The following FBXL14 variants were observed in gnomAD, a reference collection of about 807,000 sequenced individuals.
FBXL14 encodes F-box/LRR-repeat protein 14.
Under a neutral mutation model 24.5 loss-of-function variants are expected in FBXL14, and 11 were observed. The observed-to-expected ratio is 0.45, with a 90% CI of 0.28 to 0.74. The LOEUF (loss-of-function observed/expected upper bound fraction) is 0.74, where lower values mean the gene tolerates loss of function less well. Ranked by LOEUF, FBXL14 falls within the 30% of genes least tolerant of loss-of-function variation. The pLI, the probability that FBXL14 is intolerant of heterozygous loss-of-function variation, is 0.12. For synonymous variants in FBXL14, 294 were observed against 240.4 expected (o/e 1.22, Z -2.06); for missense variants, 384 against 545.6 (o/e 0.70, Z 2.95).
In FBXL14 at chr12:1,569,470, G is replaced by A. The variant is rs537193041; in HGVS notation, c.1195-2660C>T. On this transcript the variant is annotated intron_variant, in intron 1 of 1. Coordinates refer to ENST00000339235, the MANE Select transcript of FBXL14 (RefSeq NM_152441.3). The surrounding 1 kb of genome is among the most constrained non-coding windows in gnomAD (Gnocchi z 4.2). ...GGCTAGAGTGCAGTGCCGCAATCTC[G>A]GCTCACTGCAAGCTCCGCTTCCCGG... Among the ~76,000 whole-genome samples the A allele has an allele frequency of 7.3e-5, 11 of 150,250 alleles. No homozygotes were observed. In the South Asian group the frequency reaches 8.4e-4, roughly 11 times the overall value.
chr12:1,568,635 G>A (rs1462613350), intron 1 of FBXL14, among the ~76,000 whole-genome samples: 1 of 152,128 alleles, frequency 6.6e-6, no homozygotes, highest in Admixed American at 6.5e-5. Context: ...AGGGATGAGG[G>A]GAGGAATTAG....
At chr12:1,570,972 G>A (rs1438312869) in intron 1 of FBXL14, among the ~76,000 whole-genome samples, 1 of 152,168 alleles carries the variant, frequency 6.6e-6, no homozygotes, top group Non-Finnish European at 1.5e-5. Context: ...GTTGCTGCAG[G>A]ACAGTGGTAG....
chr12:1,583,214 A>AT lies in FBXL14; in HGVS notation c.1194+9658dup, dbSNP rs1454235902. 3.9e-5 allele frequency among the ~76,000 whole-genome samples: 6 copies of AT among 152,066 alleles called. 1 individual carries two copies. The East Asian group carries it at 5.8e-4, about 15-fold the overall frequency. ...ATTTGTCCTCACAGATACACTTCTG[A>AT]TTTTTCTTTTGTAATAAAAAAAACT... On this transcript the variant is annotated intron_variant, in intron 1 of 1. Coordinates refer to ENST00000339235, the MANE Select transcript of FBXL14 (RefSeq NM_152441.3).
chr12:1,579,445 C>G lies in FBXL14; in HGVS notation c.1195-12635G>C, dbSNP rs1424031607. On this transcript the variant is annotated intron_variant, in intron 1 of 1. Coordinates refer to ENST00000339235, the MANE Select transcript of FBXL14 (RefSeq NM_152441.3). The surrounding 1 kb of genome is among the most constrained non-coding windows in gnomAD (Gnocchi z 4.3). ...AGCTATGGTCAACATGGTGAAACCC[C>G]GTCTCTACTAAAACACAAAAATTAG... Among the ~76,000 whole-genome samples the G allele has an allele frequency of 1.3e-5, 2 of 151,930 alleles. No homozygotes were observed. Among genetic ancestry groups the G allele is most frequent in the Admixed American group, 1.3e-4 (2 of 15,252 alleles).
Position 1,593,606 on chromosome 12 carries a change from C to T in FBXL14, c.461G>A (p.Ser154Asn). 6.2e-7 allele frequency: 1 copy of T among 1,614,164 alleles called. No individual in the cohort carries two copies. Among genetic ancestry groups the T allele is most frequent in the South Asian group, 1.1e-5 (1 of 91,090 alleles). Residue 154 changes from serine to asparagine, a missense_variant, in exon 1 of 2, where the codon AGC becomes AAC. Coordinates refer to ENST00000339235, the MANE Select transcript of FBXL14 (RefSeq NM_152441.3). This position sits in a 1 kb window ranked among gnomAD's most constrained non-coding sequence, Gnocchi z 7.4. The stretch of plus-strand genomic sequence containing the variant: ...CAGAAGGCCAGTGTTGGTGATGTTG[C>T]TGCAACCTCCCAGCTCCAGCACCTC... ...GLEVLELGGC[S>N]NITNTGLLLI...
At chr12:1,573,294 T>G (rs571383762) in intron 1 of FBXL14, among the ~76,000 whole-genome samples, 27 of 152,254 alleles carry the variant, frequency 1.8e-4, no homozygotes, top group African/African-American at 6.5e-4. Flanking sequence ...GCCTCCTGAT[T>G]TGGGTTACGT....
chr12:1,590,931 C>A (rs898827906), intron 1 of FBXL14, among the ~76,000 whole-genome samples: 1 of 152,188 alleles, frequency 6.6e-6, no homozygotes, highest in East Asian at 1.9e-4. Flanking sequence ...CACACCCACT[C>A]TCAGGGTAAA....
chr12:1,588,360 A>C (rs1044368444), intron 1 of FBXL14, among the ~76,000 whole-genome samples: 3 of 152,198 alleles, frequency 2.0e-5, no homozygotes, highest in African/African-American at 7.2e-5. Context: ...TTTACATATC[A>C]TATGTCCTTA....
At chr12:1,592,417 T>G (rs2094492605) in intron 1 of FBXL14, among the ~76,000 whole-genome samples, 4 of 152,128 alleles carry the variant, frequency 2.6e-5, no homozygotes. Flanking sequence ...TAGCTGGGTT[T>G]GCTTTTTATA....
chr12:1,583,121 AT>A lies in FBXL14; in HGVS notation c.1194+9751del, dbSNP rs200219243. On this transcript the variant is annotated intron_variant, in intron 1 of 1. Transcript: ENST00000339235. ...AATAAAGATACTCCTTTTAATAAAA[AT>A]TAAAAAAAATTAAAAAAAAGATACT... Among the ~76,000 whole-genome samples the A allele has an allele frequency of 7.5e-3, 1,125 of 149,968 alleles. 4 individuals carry two copies. The highest frequency in any genetic ancestry group is 0.027 in the African/African-American group (1,074 of 39,636).
At chr12:1,583,920 G>A (rs754474608) in intron 1 of FBXL14, among the ~76,000 whole-genome samples, 1 of 152,122 alleles carries the variant, frequency 6.6e-6, no homozygotes, top group Non-Finnish European at 1.5e-5. Context: ...TGTGTAAGAG[G>A]GTTTTTTGTT....
In FBXL14 at chr12:1,593,778, G is replaced by A. The variant is rs760327421; in HGVS notation, c.289C>T (p.Leu97Phe). The change falls in exon 1 of 2, where the codon CTC becomes TTC. Residue 97 changes from leucine (L) to phenylalanine (F), a missense_variant. By Grantham distance (22) the Leu-to-Phe change is conservative. Coordinates refer to ENST00000339235, the MANE Select transcript of FBXL14 (RefSeq NM_152441.3). The surrounding 1 kb of genome is among the most constrained non-coding windows in gnomAD (Gnocchi z 7.4). ...TCGGTGAGGTTGTAGCAGCCGCTGA[G>A]GTTGAGGCTCTCGATGTTGGCCATG... is the stretch of plus-strand genomic sequence containing the variant. ...QGMANIESLN[L>F]SGCYNLTDNG... 1.2e-6 allele frequency: 2 copies of A among 1,614,210 alleles called. No homozygotes were observed. Among genetic ancestry groups the A allele is most frequent in the South Asian group, 1.1e-5 (1 of 91,084 alleles).
rs59547922 is a variant in FBXL14 at position 1,566,897 on chromosome 12, C to T, written c.1195-87G>A. On this transcript the variant is annotated intron_variant, in intron 1 of 1. Transcript: ENST00000339235. ...ACGAGGTCGCCTCCCCTAACCCCAC[C>T]GCGGCTTTATCAGCGCCTAACTGAC... is the stretch of plus-strand genomic sequence containing the variant. 1.7e-3 allele frequency: 1,246 copies of T among 725,784 alleles called. 14 individuals carry two copies. The African/African-American group carries it at 0.019, about 11-fold the overall frequency. The allele number at this position is 725,784 out of a possible 1,614,324, so 45.0% of individuals were successfully genotyped here. A position where few individuals can be genotyped will look rare whatever the true frequency, so the allele number is the denominator to read the frequency against.
At chr12:1,582,473 AC>A (rs1433720424) in intron 1 of FBXL14, among the ~76,000 whole-genome samples, 1 of 152,084 alleles carries the variant, frequency 6.6e-6, no homozygotes, top group Non-Finnish European at 1.5e-5. Flanking sequence ...TCTTTCCTTT[AC>A]AACCTGTATT....
intron 1 of FBXL14, chr12:1,587,280 A>G (rs989974153): frequency 6.6e-5 from 10 of 152,082 alleles, no homozygotes; most frequent in Non-Finnish European, 1.5e-5. Flanking sequence ...GTAGAAGAGT[A>G]ATGAAATAAT....
Position 1,569,558 on chromosome 12 carries a change from G to A in FBXL14, c.1195-2748C>T, listed in dbSNP as rs995286605. On this transcript the variant is annotated intron_variant, in intron 1 of 1. Transcript: ENST00000339235. This position sits in a 1 kb window ranked among gnomAD's most constrained non-coding sequence, Gnocchi z 4.2. ...TGGGATTACAGGCGCCCGCCACCAC[G>A]CCCGGCTAATTTTTTGTGTTTTTAG... is the stretch of plus-strand genomic sequence containing the variant. 6.6e-6 allele frequency among the ~76,000 whole-genome samples: 1 copy of A among 152,010 alleles called. No homozygotes were observed. Among genetic ancestry groups the A allele is most frequent in the Non-Finnish European group, 1.5e-5 (1 of 67,992 alleles).
chr12:1,585,392 C>T (rs1426535070), intron 1 of FBXL14, among the ~76,000 whole-genome samples: 4 of 144,416 alleles, frequency 2.8e-5, no homozygotes, highest in Non-Finnish European at 6.0e-5. Context: ...AGCGAGACTC[C>T]GTCTCAAAAA....
At chr12:1,580,540 G>A (rs1473868444) in intron 1 of FBXL14, among the ~76,000 whole-genome samples, 1 of 152,104 alleles carries the variant, frequency 6.6e-6, no homozygotes, top group African/African-American at 2.4e-5. Flanking sequence ...AGTGGGGGGG[G>A]AGGTCCTTGC....
chr12:1,583,687 G>A (rs542355076), intron 1 of FBXL14, among the ~76,000 whole-genome samples: 1 of 152,174 alleles, frequency 6.6e-6, no homozygotes, highest in Non-Finnish European at 1.5e-5. Context: ...CCAAGACATG[G>A]GACGTGCAGA....
Sources: allele counts gnomAD v4.1 joint callset (sites outside exome capture counted in the v4.1 genomes callset), GRCh38; gene constraint gnomAD v4.1.1; non-coding constraint Gnocchi (gnomAD v3.1); transcripts MANE v1.5; gene names NCBI Gene and HGNC (gene_info 2026-07-23, HGNC 2026-07-21).